The following KIAA1328 variants were observed in gnomAD, a reference collection of about 807,000 sequenced individuals.
The protein encoded by KIAA1328 is KIAA1328.
KIAA1328 carries 52 observed loss-of-function variants against 68.1 expected under a neutral mutation model. That is an observed-to-expected ratio of 0.76 (90% CI 0.61 to 0.96). The LOEUF is 0.96. Ranked by LOEUF, KIAA1328 falls within the 40% of genes least tolerant of loss-of-function variation. The probability of loss-of-function intolerance (pLI) is 0.00; values close to 1 mark genes in which losing one functional copy is unlikely to be tolerated. For missense variants in KIAA1328, 641 were observed against 677.6 expected, an observed-to-expected ratio of 0.95 and a Z score of 0.60; for synonymous variants, 232 against 239.4, an observed-to-expected ratio of 0.97 and a Z score of 0.28.
chr18:37,032,924 A>G (rs1041947551), intron 6 of KIAA1328, among the ~76,000 whole-genome samples: 1 of 152,098 alleles, frequency 6.6e-6, no homozygotes, highest in Non-Finnish European at 1.5e-5. Flanking sequence ...TACAGGCATG[A>G]GCCACCATGC....
chr18:36,967,734 G>A (rs2052001581), intron 6 of KIAA1328, among the ~76,000 whole-genome samples: 1 of 152,110 alleles, frequency 6.6e-6, no homozygotes, highest in African/African-American at 2.4e-5. Context: ...GGAGGAAGCT[G>A]GGAACCCTGC....
At chr18:37,220,739 C>T (rs1012858805) in intron 9 of KIAA1328, among the ~76,000 whole-genome samples, 3 of 152,230 alleles carry the variant, frequency 2.0e-5, no homozygotes, top group African/African-American at 7.2e-5. Flanking sequence ...GCCATTGTCA[C>T]CACCATTAAT....
At chr18:37,138,948 CTTTTTTTTT>C (rs869053490) in intron 7 of KIAA1328, among the ~76,000 whole-genome samples, 88 of 74,118 alleles carry the variant, frequency 1.2e-3, no homozygotes, top group Non-Finnish European at 1.4e-3. Context: ...AAATTTTGTT[CTTTTTTTTT>C]TTTTTTTTTT....
intron 5 of KIAA1328, among the ~76,000 whole-genome samples, chr18:36,917,745 T>C (rs1260346425): frequency 6.6e-6 from 1 of 152,180 alleles, no homozygotes; most frequent in Non-Finnish European, 1.5e-5. Flanking sequence ...CCCACCTCAG[T>C]TTCCATCTGA....
chr18:37,027,930 C>A (rs531198531), intron 6 of KIAA1328, among the ~76,000 whole-genome samples: 4 of 152,170 alleles, frequency 2.6e-5, no homozygotes, highest in African/African-American at 9.6e-5. Flanking sequence ...AGTGAACAGG[C>A]AACCTACAGA....
intron 7 of KIAA1328, among the ~76,000 whole-genome samples, chr18:37,126,443 G>T (rs2058391336): frequency 6.6e-6 from 1 of 152,108 alleles, no homozygotes; most frequent in Non-Finnish European, 1.5e-5. Context: ...TATCTATGAA[G>T]TTGAATTCAT....
At chr18:37,089,340 A>G (rs1599224291) in intron 7 of KIAA1328, among the ~76,000 whole-genome samples, 1 of 125,600 alleles carries the variant, frequency 8.0e-6, no homozygotes, top group Non-Finnish European at 1.7e-5. Context: ...CATTTGCGTT[A>G]TTCTACTATT....
At chr18:37,121,417 TC>T (rs1245368440) in intron 7 of KIAA1328, among the ~76,000 whole-genome samples, 1 of 32,046 alleles carries the variant, frequency 3.1e-5, no homozygotes, top group African/African-American at 1.2e-4. Flanking sequence ...TTTTAGGACT[TC>T]TATCTATCTA....
chr18:37,096,024 A>C (rs929794357), intron 7 of KIAA1328, among the ~76,000 whole-genome samples: 1 of 152,162 alleles, frequency 6.6e-6, no homozygotes, highest in Non-Finnish European at 1.5e-5. Context: ...TAAGGCCCGA[A>C]CTGGGTGGCT....
intron 3 of KIAA1328, among the ~76,000 whole-genome samples, chr18:36,843,936 G>A (rs1600950581): frequency 6.6e-6 from 1 of 152,102 alleles, no homozygotes; most frequent in South Asian, 2.1e-4. Flanking sequence ...TTCACAAAGG[G>A]AAAGTTGTTT....
At chr18:36,930,605 T>C (rs1455721333) in intron 5 of KIAA1328, among the ~76,000 whole-genome samples, 1 of 151,978 alleles carries the variant, frequency 6.6e-6, no homozygotes, top group Non-Finnish European at 1.5e-5. Context: ...TGGATAGGAG[T>C]ATATTCTTTA....
chr18:36,831,822 T>C (rs2046503078), intron 1 of KIAA1328, among the ~76,000 whole-genome samples: 1 of 152,076 alleles, frequency 6.6e-6, no homozygotes, highest in South Asian at 2.1e-4. Context: ...ATCCTGGAGG[T>C]CTGGGATAGA....
chr18:37,082,822 G>GAACC (rs1304146356), intron 7 of KIAA1328, among the ~76,000 whole-genome samples: 1 of 152,118 alleles, frequency 6.6e-6, no homozygotes, highest in East Asian at 1.9e-4. Flanking sequence ...ATTGTGCCAA[G>GAACC]AACCACCTTA....
intron 4 of KIAA1328, among the ~76,000 whole-genome samples, chr18:36,875,373 G>A (rs552809271): frequency 5.8e-4 from 88 of 152,068 alleles, no homozygotes; most frequent in Non-Finnish European, 8.1e-4. Context: ...TCCTTGAAGA[G>A]GTCCTTTGCA....
At chr18:37,071,476 A>G (rs914752956) in intron 7 of KIAA1328, among the ~76,000 whole-genome samples, 6 of 152,176 alleles carry the variant, frequency 3.9e-5, no homozygotes, top group African/African-American at 1.4e-4. Flanking sequence ...TGGGGGCAAT[A>G]AATAATGCAA....
At chr18:37,079,114 A>G (rs2056855595) in intron 7 of KIAA1328, among the ~76,000 whole-genome samples, 1 of 145,136 alleles carries the variant, frequency 6.9e-6, no homozygotes. Flanking sequence ...GATTAAGAAA[A>G]TGTGGCACAT....
At chr18:37,168,473 A>G (rs913225765) in intron 8 of KIAA1328, among the ~76,000 whole-genome samples, 4 of 152,252 alleles carry the variant, frequency 2.6e-5, no homozygotes, top group African/African-American at 7.2e-5. Flanking sequence ...ATGTCCCTCA[A>G]TAGCAGAAGG....
rs751917718 is a variant in KIAA1328 at position 36,835,291 on chromosome 18, A to G, written c.152A>G (p.Asp51Gly). ...CACAAGCTGATGAGTCCAAAAGCTG[A>G]TGTTAAACTTAAGACTTCCAGGGTG... ...SRHKLMSPKADVKLKTSRVTD... is the reference protein window; with the variant it reads ...SRHKLMSPKAGVKLKTSRVTD... The change falls in exon 3 of 10, where the codon GAT becomes GGT. Residue 51 changes from aspartate to glycine, a missense_variant. By Grantham distance (94) the Asp-to-Gly change is moderately conservative. Coordinates refer to ENST00000280020, the MANE Select transcript of KIAA1328 (RefSeq NM_020776.3). 1.9e-6 allele frequency: 3 copies of G among 1,613,630 alleles called. No individual in the cohort carries two copies. The African/African-American group carries it at 4.0e-5, about 22-fold the overall frequency.
intron 1 of KIAA1328, among the ~76,000 whole-genome samples, chr18:36,831,153 G>C (rs2046477522): frequency 6.6e-6 from 1 of 152,164 alleles, no homozygotes; most frequent in African/African-American, 2.4e-5. Context: ...AGACCAAAAA[G>C]TAAGTACCTA....
Sources: gnomAD v4.1 joint callset for allele counts (sites outside exome capture counted in the v4.1 genomes callset) on GRCh38, gnomAD v4.1.1 for gene constraint, MANE v1.5 for transcripts, NCBI Gene and HGNC (gene_info 2026-07-23, HGNC 2026-07-21) for gene names.